TTC33: variants seen among roughly 807,000 people sequenced by gnomAD.
TTC33 encodes the protein tetratricopeptide repeat protein 33.
Under a neutral mutation model 29.4 loss-of-function variants are expected in TTC33, and 24 were observed. That is an observed-to-expected ratio of 0.82 (90% CI 0.59 to 1.15). The LOEUF is 1.15. TTC33 is among the 50% of genes most tolerant of loss of function. The pLI is 0.00. For synonymous variants in TTC33, 107 were observed against 100.3 expected (o/e 1.07, Z -0.40); for missense variants, 286 against 310.4 (o/e 0.92, Z 0.59).
At chr5:40,751,961 G>GAAAAA (rs61319403) in intron 1 of TTC33, among the ~76,000 whole-genome samples, 1 of 126,918 alleles carries the variant, frequency 7.9e-6, no homozygotes, top group Non-Finnish European at 1.7e-5. Context: ...CGTCTCAAAA[G>GAAAAA]AAAAAAAAAA....
intron 4 of TTC33, among the ~76,000 whole-genome samples, chr5:40,727,753 A>C (rs949968084): frequency 2.0e-5 from 3 of 152,186 alleles, no homozygotes; most frequent in South Asian, 2.1e-4. Flanking sequence ...TTGTCTATTT[A>C]AATAAGGTTT....
intron 2 of TTC33, among the ~76,000 whole-genome samples, chr5:40,736,234 C>T (rs776439470): frequency 4.1e-4 from 63 of 152,150 alleles, no homozygotes; most frequent in Non-Finnish European, 8.4e-4. Flanking sequence ...TCATTCTACA[C>T]TGACTGTATC....
At chr5:40,732,388 C>T (rs763500811) in intron 2 of TTC33, among the ~76,000 whole-genome samples, 16 of 151,562 alleles carry the variant, frequency 1.1e-4, no homozygotes, top group Non-Finnish European at 1.5e-4. Flanking sequence ...AAGGACTGTC[C>T]AAGTCCTGCA....
chr5:40,752,948 C>T (rs1742921946), intron 1 of TTC33, among the ~76,000 whole-genome samples: 1 of 152,104 alleles, frequency 6.6e-6, no homozygotes, highest in African/African-American at 2.4e-5. Context: ...GTGAGGGTGG[C>T]TATGAGGTCA....
At chr5:40,730,530 T>C (rs780832523) in intron 2 of TTC33, among the ~76,000 whole-genome samples, 187 bp from the exon 3 acceptor site, 5 of 152,274 alleles carry the variant, frequency 3.3e-5, no homozygotes, top group Non-Finnish European at 7.4e-5. Flanking sequence ...ACCACCACCA[T>C]TCATCTCCAG....
Position 40,735,301 on chromosome 5 carries a change from G to A in TTC33, c.222-4958C>T, listed in dbSNP as rs746744381. Among the ~76,000 whole-genome samples, 8 of 152,270 alleles carry A rather than the reference G, an allele frequency of 5.3e-5. No homozygotes were observed. The South Asian group carries it at 8.3e-4, about 16-fold the overall frequency. ...GAATAGACAGTAAGGGTACAAAAAT[G>A]TACACAGGAAGGCTAGATATGAGAC... On this transcript the variant is annotated intron_variant, in intron 2 of 4. Transcript: ENST00000337702.
At chr5:40,731,576 G>A (rs1286671504) in intron 2 of TTC33, among the ~76,000 whole-genome samples, 1 of 152,172 alleles carries the variant, frequency 6.6e-6, no homozygotes, top group African/African-American at 2.4e-5. Context: ...GAGCAAACAG[G>A]GAAGCCCCTT....
At chr5:40,746,068 C>T (rs1161216698) in intron 2 of TTC33, among the ~76,000 whole-genome samples, 3 of 152,128 alleles carry the variant, frequency 2.0e-5, no homozygotes, top group Non-Finnish European at 4.4e-5. Context: ...GTATTAGATA[C>T]AGACACAGTT....
intron 3 of TTC33, 29 bp downstream of exon 3, chr5:40,730,233 A>C (rs1313183419): frequency 6.5e-7 from 1 of 1,543,026 alleles, no homozygotes; most frequent in Non-Finnish European, 8.9e-7. Flanking sequence ...CAATTTCATA[A>C]GGAAAGTGAA....
chr5:40,742,387 A>G (rs1256063451), intron 2 of TTC33, among the ~76,000 whole-genome samples: 2 of 152,318 alleles, frequency 1.3e-5, no homozygotes, highest in East Asian at 3.9e-4. Context: ...TATTAAGTAC[A>G]TTACATACGT....
At chr5:40,752,639 G>C (rs1478906119) in intron 1 of TTC33, among the ~76,000 whole-genome samples, 2 of 152,092 alleles carry the variant, frequency 1.3e-5, no homozygotes, top group African/African-American at 4.8e-5. Context: ...ATCTCATATG[G>C]GCATGGTTCA....
intron 2 of TTC33, among the ~76,000 whole-genome samples, chr5:40,734,251 G>A (rs535084084): frequency 1.3e-5 from 2 of 152,262 alleles, no homozygotes; most frequent in East Asian, 3.9e-4. Context: ...CAGGAAACTT[G>A]GCACTGAACA....
At position 40,746,787 on chromosome 5, in the gene TTC33, T is replaced by C. The variant is rs754027491; in HGVS notation, c.221+11A>G. The C allele has an allele frequency of 1.3e-5, 20 of 1,598,556 alleles. 1 individual carries two copies. The South Asian group carries it at 2.3e-4, about 18-fold the overall frequency. Reference sequence around the variant, plus strand: ...GCTCTTCTCCATAAAAAAAAAACTTTAAATACATACCTTTTATTTTCAGCC... The same window carrying C: ...GCTCTTCTCCATAAAAAAAAAACTTCAAATACATACCTTTTATTTTCAGCC... On this transcript the variant is annotated intron_variant, in intron 2 of 4. Coordinates refer to ENST00000337702, the MANE Select transcript of TTC33 (RefSeq NM_012382.3).
In TTC33 at chr5:40,716,475, G is replaced by T; in HGVS notation, c.459C>A (p.Ala153=). Residue 153 remains alanine (A), a synonymous_variant, in exon 5 of 5, where the codon GCC becomes GCA. Coordinates refer to ENST00000337702, the MANE Select transcript of TTC33 (RefSeq NM_012382.3). ...IILAIRSFQV[A]LHIYPMNPEI... is the part of the protein sequence containing the mutation. The stretch of plus-strand genomic sequence containing the variant: ...CAGGGTTCATTGGATAGATGTGAAG[G>T]GCTACTTGAAAACTTCGAATTGCCT... 1 of 1,592,342 alleles carries T rather than the reference G, an allele frequency of 6.3e-7. No individual in the cohort carries two copies. Among genetic ancestry groups the T allele is most frequent in the African/African-American group, 1.4e-5 (1 of 73,864 alleles).
intron 1 of TTC33, among the ~76,000 whole-genome samples, 180 bp downstream of exon 1, chr5:40,755,644 C>G (rs565201248): frequency 6.6e-6 from 1 of 152,350 alleles, no homozygotes; most frequent in South Asian, 2.1e-4. Context: ...CGTCGGGTTT[C>G]AACTCCTATT....
chr5:40,755,947 C>G lies in TTC33; in HGVS notation c.-125G>C, dbSNP rs1216559469. 4 of 152,460 alleles carry G rather than the reference C, an allele frequency of 2.6e-5. No individual in the cohort carries two copies. The highest frequency in any genetic ancestry group is 7.2e-5 in the African/African-American group (3 of 41,472). The allele number at this position is 152,460 out of a possible 1,614,324, so 9.4% of individuals were successfully genotyped here. On this transcript the variant is annotated 5_prime_UTR_variant, in exon 1 of 5. Transcript: ENST00000337702. ...TCTTTCCCCTCCGCCAATCTCTTCT[C>G]CGGGACCACAAATCCCAGAAGTCAC... is the stretch of plus-strand genomic sequence containing the variant.
intron 2 of TTC33, among the ~76,000 whole-genome samples, chr5:40,742,441 T>C (rs1190714255): frequency 6.6e-6 from 1 of 152,216 alleles, no homozygotes; most frequent in African/African-American, 2.4e-5. Context: ...AGATATTTTC[T>C]GCAGAAAAGG....
At chr5:40,724,581 C>T (rs1232951851) in intron 4 of TTC33, among the ~76,000 whole-genome samples, 2 of 150,862 alleles carry the variant, frequency 1.3e-5, no homozygotes, top group Non-Finnish European at 3.0e-5. Context: ...TGAAGTGAGC[C>T]GAGATCACAC....
At chr5:40,717,264 C>T (rs1311504864) in intron 4 of TTC33, among the ~76,000 whole-genome samples, 1 of 145,558 alleles carries the variant, frequency 6.9e-6, no homozygotes, top group Non-Finnish European at 1.5e-5. Flanking sequence ...CATGTATTAA[C>T]TCATCTATCC....
Sources: gnomAD v4.1 joint callset for allele counts (sites outside exome capture counted in the v4.1 genomes callset) on GRCh38, gnomAD v4.1.1 for gene constraint, MANE v1.5 for transcripts, NCBI Gene and HGNC (gene_info 2026-07-23, HGNC 2026-07-21) for gene names.